ZNF280D: variants seen among roughly 807,000 people sequenced by gnomAD.
ZNF280D encodes zinc finger protein 280D, also known as suppressor of hairy wing homolog 4.
In ZNF280D, 39 loss-of-function variants were observed where a neutral mutation model predicts 94.7. The ratio of observed to expected loss-of-function variants is 0.41; its 90% CI spans 0.32 to 0.54. ZNF280D has a LOEUF of 0.54. ZNF280D is among the 20% of genes least tolerant of loss of function. The probability of loss-of-function intolerance (pLI) is 0.22; values close to 1 mark genes in which losing one functional copy is unlikely to be tolerated. For synonymous variants in ZNF280D, 398 were observed against 377.6 expected (o/e 1.05, Z -0.63); for missense variants, 1,090 against 1,149.3 (o/e 0.95, Z 0.75).
intron 9 of ZNF280D, among the ~76,000 whole-genome samples, chr15:56,687,406 TA>T (rs1192591867): frequency 6.6e-6 from 1 of 152,120 alleles, no homozygotes; most frequent in Non-Finnish European, 1.5e-5. Flanking sequence ...TGCAGAGATA[TA>T]TATAACATGC....
At chr15:56,633,724 C>T (rs966903186) in intron 21 of ZNF280D, among the ~76,000 whole-genome samples, 9 of 151,716 alleles carry the variant, frequency 5.9e-5, no homozygotes, top group Non-Finnish European at 1.0e-4. Context: ...CTCCTGACCT[C>T]GTGATCCACC....
At chr15:56,685,392 C>G (rs1285084089) in intron 9 of ZNF280D, among the ~76,000 whole-genome samples, 1 of 147,642 alleles carries the variant, frequency 6.8e-6, no homozygotes, top group African/African-American at 2.4e-5. Flanking sequence ...GTCATATGCC[C>G]TGACAATGGA....
Position 56,682,484 on chromosome 15 carries a change from G to GAT in ZNF280D, c.781-8_781-7insAT. The GAT allele has an allele frequency of 4.2e-4, 169 of 400,274 alleles. No individual in the cohort carries two copies. The highest frequency in any genetic ancestry group is 5.5e-4 in the Non-Finnish European group (154 of 278,924). 24.8% of individuals were successfully genotyped at this position (400,274 alleles called of 1,614,324 possible). A position where few individuals can be genotyped will look rare whatever the true frequency, so the allele number is the denominator to read the frequency against. On this transcript the variant is annotated splice_region_variant and splice_polypyrimidine_tract_variant and intron_variant, in intron 9 of 21. Transcript: ENST00000267807. Reference sequence around the variant, plus strand: ...TCATGTCTGGACAACAATACTGAAAGAGAAAAAAAAAAAAAAAAAACAAGC... The same window carrying GAT: ...TCATGTCTGGACAACAATACTGAAAGATAGAAAAAAAAAAAAAAAAAACAAGC...
At chr15:56,635,112 G>A in intron 21 of ZNF280D, 83 bp downstream of exon 21, 1 of 778,972 alleles carries the variant, frequency 1.3e-6, no homozygotes, top group Non-Finnish European at 2.0e-6. Flanking sequence ...ATAGTCCTTT[G>A]CCAGTTAACT....
intron 1 of ZNF280D, among the ~76,000 whole-genome samples, chr15:56,723,442 A>G (rs2058476771): frequency 6.6e-6 from 1 of 152,192 alleles, no homozygotes; most frequent in Non-Finnish European, 1.5e-5. Context: ...AGCTGAAAAT[A>G]TTATGGAATT....
At chr15:56,684,482 C>G (rs2055861679) in intron 9 of ZNF280D, among the ~76,000 whole-genome samples, 1 of 150,290 alleles carries the variant, frequency 6.7e-6, no homozygotes, top group Non-Finnish European at 1.5e-5. Context: ...GCCAAGACAA[C>G]AAGATATTTA....
Position 56,635,216 on chromosome 15 carries a change from G to T in ZNF280D, c.2294C>A (p.Thr765Lys). ...IARPNMAERE[T>K]ETSNSESKQD... ...TTACCTTTCAGAATTTGATGTTTCT[G>T]TTTCTCTTTCAGCCATGTTAGGTCT... is the stretch of plus-strand genomic sequence containing the variant. The change falls in exon 21 of 22, where the codon ACA becomes AAA. Residue 765 changes from threonine to lysine, a missense_variant. Around this residue, in one of 3 missense-constraint regions of ZNF280D, gnomAD observed 577 missense variants for 568.8 expected, o/e 1.01. Coordinates refer to ENST00000267807, the MANE Select transcript of ZNF280D (RefSeq NM_017661.4). 6.4e-7 allele frequency: 1 copy of T among 1,555,632 alleles called. No homozygotes were observed. Among genetic ancestry groups the T allele is most frequent in the Non-Finnish European group, 8.7e-7 (1 of 1,153,844 alleles).
intron 16 of ZNF280D, among the ~76,000 whole-genome samples, chr15:56,663,226 G>A (rs1380056926): frequency 1.4e-5 from 2 of 144,866 alleles, no homozygotes; most frequent in Non-Finnish European, 3.0e-5. Flanking sequence ...TGAGGCTGTA[G>A]TGAACTGTGA....
chr15:56,631,338 A>C lies in ZNF280D; in HGVS notation c.*160T>G. 1.4e-6 allele frequency: 1 copy of C among 714,240 alleles called. No homozygotes were observed. The highest frequency in any genetic ancestry group is 2.3e-5 in the South Asian group (1 of 43,808). The allele number at this position is 714,240 out of a possible 1,614,324, so 44.2% of individuals were successfully genotyped here. On this transcript the variant is annotated 3_prime_UTR_variant, in exon 22 of 22. Coordinates refer to ENST00000267807, the MANE Select transcript of ZNF280D (RefSeq NM_017661.4). ...TAATCATGCTATTATTGGTGAATTG[A>C]TTTGTTTGATAACATAGGTTGAACA...
At chr15:56,653,829 C>A in intron 19 of ZNF280D, 1 of 1,246,436 alleles carries the variant, frequency 8.0e-7, no homozygotes. Flanking sequence ...TTAGACAGCG[C>A]AAACTGGAGA....
chr15:56,658,359 G>A lies in ZNF280D; in HGVS notation c.2057+65C>T, dbSNP rs554281863. The A allele has an allele frequency of 1.9e-5, 23 of 1,224,294 alleles. No homozygotes were observed. The East Asian group carries it at 5.3e-4, about 28-fold the overall frequency. The allele number at this position is 1,224,294 out of a possible 1,614,324, so 75.8% of individuals were successfully genotyped here. A position where few individuals can be genotyped will look rare whatever the true frequency, so the allele number is the denominator to read the frequency against. On this transcript the variant is annotated intron_variant, in intron 17 of 21. Transcript: ENST00000267807. ...AATTCTACCTCAATAAAGCTGTTGT[G>A]TTAAAAAAAATTTAAGTCATTACAA...
chr15:56,654,025 C>T, intron 19 of ZNF280D, 173 bp downstream of exon 19: 1 of 1,455,104 alleles, frequency 6.9e-7, no homozygotes, highest in South Asian at 1.6e-5. Context: ...TTGTCTTGCA[C>T]CAGGTCACGA....
chr15:56,692,968 T>C, intron 7 of ZNF280D, 130 bp downstream of exon 7: 3 of 535,930 alleles, frequency 5.6e-6, no homozygotes, highest in Non-Finnish European at 1.0e-5. Flanking sequence ...CAAGTACTAG[T>C]GACGTTCCAC....
intron 6 of ZNF280D, among the ~76,000 whole-genome samples, chr15:56,697,318 G>A (rs1031693490): frequency 1.3e-5 from 2 of 151,976 alleles, no homozygotes; most frequent in African/African-American, 4.8e-5. Context: ...CCAAGTAGCT[G>A]GGATTACAGG....
rs541655216 is a variant in ZNF280D at position 56,709,376 on chromosome 15, T to C, written c.-85-2070A>G. ...AGGAAACAACAGATGCTAGAGAGGA[T>C]GTGGAGAAATAGGAACACTTTTACA... On this transcript the variant is annotated intron_variant, in intron 1 of 21. Coordinates refer to ENST00000267807, the MANE Select transcript of ZNF280D (RefSeq NM_017661.4). Among the ~76,000 whole-genome samples the C allele has an allele frequency of 8.7e-4, 130 of 150,252 alleles. 1 individual carries two copies. The East Asian group carries it at 0.023, about 27-fold the overall frequency.
intron 3 of ZNF280D, among the ~76,000 whole-genome samples, chr15:56,704,997 G>A (rs2057317740): frequency 6.6e-6 from 1 of 151,626 alleles, no homozygotes; most frequent in African/African-American, 2.4e-5. Context: ...AAAAAAAAAT[G>A]CCAGGCACAG....
intron 1 of ZNF280D, chr15:56,733,109 C>T (rs529750489): frequency 6.5e-6 from 1 of 152,712 alleles, no homozygotes; most frequent in East Asian, 1.9e-4. Context: ...AGGGAGTTGC[C>T]TCCAGAGAGA....
chr15:56,726,783 T>C (rs1011398677), intron 1 of ZNF280D, among the ~76,000 whole-genome samples: 7 of 152,242 alleles, frequency 4.6e-5, no homozygotes, highest in Non-Finnish European at 5.9e-5. Context: ...TATGGAAAAC[T>C]GAAGACATTT....
At position 56,660,658 on chromosome 15, in the gene ZNF280D, T is replaced by C. The variant is rs917131109; in HGVS notation, c.1995-2172A>G. Among the ~76,000 whole-genome samples the C allele has an allele frequency of 5.9e-5, 9 of 152,126 alleles. No individual in the cohort carries two copies. The South Asian group carries it at 6.2e-4, about 11-fold the overall frequency. On this transcript the variant is annotated intron_variant, in intron 16 of 21. Coordinates refer to ENST00000267807, the MANE Select transcript of ZNF280D (RefSeq NM_017661.4). ...GTTTTTTATTACAATATAGTAAAAA[T>C]ATAATGTTAAAACCTAATTTTTTAA...
Sources: allele counts gnomAD v4.1 joint callset (sites outside exome capture counted in the v4.1 genomes callset), GRCh38; gene constraint gnomAD v4.1.1; regional missense constraint gnomAD v4.1.1; transcripts MANE v1.5; gene names NCBI Gene and HGNC (gene_info 2026-07-23, HGNC 2026-07-21).